HDAC9: variants seen among roughly 807,000 people sequenced by gnomAD.
HDAC9 encodes histone deacetylase 9.
A neutral mutation model predicts 139.4 loss-of-function variants in HDAC9; 41 were observed. The ratio of observed to expected loss-of-function variants is 0.29; its 90% CI spans 0.23 to 0.38. The LOEUF is 0.38. HDAC9 is among the 10% of genes least tolerant of loss of function. HDAC9 has a pLI of 1.00. For synonymous variants in HDAC9, 517 were observed against 476.2 expected, an observed-to-expected ratio of 1.09 and a Z score of -1.12; for missense variants, 1,147 against 1,297.0, an observed-to-expected ratio of 0.88 and a Z score of 1.78.
At chr7:18,289,066 TGTAA>T (rs1353604176), upstream of HDAC9, among the ~76,000 whole-genome samples, 2 of 152,160 alleles carry the variant, frequency 1.3e-5, no homozygotes, top group African/African-American at 4.8e-5. Context: ...AAGCCACAGA[TGTAA>T]GTGAGAGGGA....
intron 13 of HDAC9, among the ~76,000 whole-genome samples, chr7:18,747,182 G>A (rs1788049140): frequency 2.0e-5 from 3 of 152,298 alleles, no homozygotes; most frequent in Middle Eastern, 3.4e-3. Context: ...GGAAAGATGG[G>A]GAGGGGCCTA....
At chr7:18,750,792 C>A (rs1788376587) in intron 14 of HDAC9, among the ~76,000 whole-genome samples, 2 of 152,164 alleles carry the variant, frequency 1.3e-5, no homozygotes, top group Non-Finnish European at 2.9e-5. Flanking sequence ...GGACAAAATG[C>A]ATTTATTCAT....
chr7:18,906,549 C>G (rs574249883), intron 22 of HDAC9, among the ~76,000 whole-genome samples: 28 of 152,264 alleles, frequency 1.8e-4, no homozygotes, highest in Non-Finnish European at 3.8e-4. Flanking sequence ...TGCCCTGCTA[C>G]AAATGCATGA....
At chr7:18,829,293 G>A in intron 18 of HDAC9, 77 bp downstream of exon 18, 1 of 1,266,680 alleles carries the variant, frequency 7.9e-7, no homozygotes, top group South Asian at 1.2e-5. Flanking sequence ...TGTTTCTGAA[G>A]CCTCTAATTG....
At chr7:18,676,946 C>A (rs986286871) in intron 12 of HDAC9, among the ~76,000 whole-genome samples, 1 of 151,894 alleles carries the variant, frequency 6.6e-6, no homozygotes, top group African/African-American at 2.4e-5. Context: ...CTTTTGTTTA[C>A]ACACAACTTC....
intron 1 of HDAC9, among the ~76,000 whole-genome samples, chr7:18,367,377 A>T (rs1784266583): frequency 6.6e-6 from 1 of 152,098 alleles, no homozygotes; most frequent in Non-Finnish European, 1.5e-5. Context: ...AGATTTTTAT[A>T]TAACACATCT....
chr7:18,833,459 T>C (rs1207877866), intron 19 of HDAC9, among the ~76,000 whole-genome samples: 2 of 152,164 alleles, frequency 1.3e-5, no homozygotes, highest in African/African-American at 2.4e-5. Flanking sequence ...ATTACTATTG[T>C]ATAGGGGAAA....
chr7:18,417,836 C>G (rs1789227097), intron 1 of HDAC9, among the ~76,000 whole-genome samples: 1 of 152,130 alleles, frequency 6.6e-6, no homozygotes, highest in Admixed American at 6.5e-5. Context: ...AATTTGCACT[C>G]TGCTGAATAG....
intron 12 of HDAC9, among the ~76,000 whole-genome samples, chr7:18,705,370 C>G (rs1783806668): frequency 6.6e-6 from 1 of 152,132 alleles, no homozygotes; most frequent in Non-Finnish European, 1.5e-5. Flanking sequence ...TGTCTCTAGA[C>G]ATTGTCAAAT....
chr7:18,182,639 T>C (rs1040713590), intron 2 of HDAC9, among the ~76,000 whole-genome samples: 2 of 152,234 alleles, frequency 1.3e-5, no homozygotes, highest in Non-Finnish European at 2.9e-5. Context: ...ACTATTCTTA[T>C]CCCATTTTAC....
chr7:18,231,890 T>C (rs566035865), intron 2 of HDAC9, among the ~76,000 whole-genome samples: 5 of 152,350 alleles, frequency 3.3e-5, no homozygotes, highest in African/African-American at 1.2e-4. Context: ...AGAAATCATT[T>C]GTATTCCATT....
chr7:18,545,148 A>G (rs1586879205), intron 2 of HDAC9, among the ~76,000 whole-genome samples: 1 of 152,070 alleles, frequency 6.6e-6, no homozygotes, highest in South Asian at 2.1e-4. Flanking sequence ...GTGCTTAGAC[A>G]CCCCAGGGTG....
At position 18,749,262 on chromosome 7, in the gene HDAC9, A is replaced by G. The variant is rs10242505; in HGVS notation, c.2043+124A>G. 7.6e-3 allele frequency: 7,821 copies of G among 1,023,646 alleles called. 417 individuals are homozygous for G. The African/African-American group carries it at 0.11, about 15-fold the overall frequency. 63.4% of individuals were successfully genotyped at this position (1,023,646 alleles called of 1,614,324 possible). A position where few individuals can be genotyped will look rare whatever the true frequency, so the allele number is the denominator to read the frequency against. On this transcript the variant is annotated intron_variant, in intron 14 of 25. Coordinates refer to ENST00000686413, the MANE Select transcript of HDAC9 (RefSeq NM_178425.4). ...GTGCAAACACCATGATTGATGAACC[A>G]TCATAGATTCAGGTAGCACAGAGCT...
intron 2 of HDAC9, among the ~76,000 whole-genome samples, chr7:18,552,908 A>G (rs1817605503): frequency 6.6e-6 from 1 of 152,220 alleles, no homozygotes; most frequent in African/African-American, 2.4e-5. Flanking sequence ...ATTTACCTTA[A>G]TAAAAACTGC....
chr7:18,859,099 T>G (rs1394195879), intron 21 of HDAC9, among the ~76,000 whole-genome samples: 5 of 152,174 alleles, frequency 3.3e-5, no homozygotes, highest in African/African-American at 4.8e-5. Context: ...TGACTGATTA[T>G]CTTACCTTCA....
intron 2 of HDAC9, among the ~76,000 whole-genome samples, chr7:18,248,711 T>C (rs189095776): frequency 1.7e-3 from 259 of 152,320 alleles, no homozygotes; most frequent in Admixed American, 4.9e-3. Context: ...GTAAAAGTCT[T>C]CTCACCAAGG....
intron 14 of HDAC9, among the ~76,000 whole-genome samples, chr7:18,758,434 A>G (rs1433757097): frequency 6.6e-6 from 1 of 152,182 alleles, no homozygotes; most frequent in Non-Finnish European, 1.5e-5. Context: ...AGAGAGAGAA[A>G]TGAAAGAATA....
chr7:18,107,082 T>G (rs1436320115), intron 1 of HDAC9, among the ~76,000 whole-genome samples: 1 of 152,220 alleles, frequency 6.6e-6, no homozygotes, highest in Admixed American at 6.5e-5. Flanking sequence ...GGTATGCAAC[T>G]ATGATATTTT....
intron 2 of HDAC9, chr7:18,162,444 C>G (rs1479027462): frequency 3.2e-6 from 3 of 941,672 alleles, no homozygotes; most frequent in Non-Finnish European, 4.5e-6. Context: ...TATGAAGGAA[C>G]TTTTTTTTTT....
Sources: gnomAD v4.1 joint callset for allele counts (sites outside exome capture counted in the v4.1 genomes callset) on GRCh38, gnomAD v4.1.1 for gene constraint, MANE v1.5 for transcripts, NCBI Gene and HGNC (gene_info 2026-07-23, HGNC 2026-07-21) for gene names.